POLI: variants seen among roughly 807,000 people sequenced by gnomAD.
POLI encodes the protein RAD30 homolog B.
In POLI, 58 loss-of-function variants were observed where a neutral mutation model predicts 51.6. That is an observed-to-expected ratio of 1.12 (90% CI 0.91 to 1.40). POLI has a LOEUF of 1.40. Among genes scored for constraint, POLI ranks in the 40% most tolerant of loss-of-function variants. The pLI, the probability that POLI is intolerant of heterozygous loss-of-function variation, is 0.00. For synonymous variants in POLI, 322 were observed against 299.7 expected (o/e 1.07, Z -0.77); for missense variants, 921 against 871.3 (o/e 1.06, Z -0.72).
At chr18:54,277,487 G>C (rs1209871934) in intron 3 of POLI, among the ~76,000 whole-genome samples, 1 of 152,108 alleles carries the variant, frequency 6.6e-6, no homozygotes, top group Non-Finnish European at 1.5e-5. Context: ...CCCTAGGAAT[G>C]TCATTTTTAG....
At chr18:54,289,849 A>G (rs2087921981) in intron 8 of POLI, among the ~76,000 whole-genome samples, 1 of 152,200 alleles carries the variant, frequency 6.6e-6, no homozygotes, top group African/African-American at 2.4e-5. Flanking sequence ...AAAGACTTAA[A>G]TGTTAGAACT....
intron 8 of POLI, chr18:54,291,241 A>G (rs1023090719): frequency 6.6e-6 from 1 of 152,218 alleles, no homozygotes; most frequent in Admixed American, 6.6e-5. Context: ...CTTCACCCGA[A>G]CCACGACTGA....
chr18:54,289,509 C>A (rs1219269939), intron 8 of POLI, among the ~76,000 whole-genome samples: 1 of 151,988 alleles, frequency 6.6e-6, no homozygotes, highest in Non-Finnish European at 1.5e-5. Flanking sequence ...AAAATGAGCC[C>A]CTATAGCCAA....
chr18:54,280,372 T>A (rs1047270827), intron 4 of POLI, among the ~76,000 whole-genome samples: 4 of 152,020 alleles, frequency 2.6e-5, no homozygotes, highest in Non-Finnish European at 5.9e-5. Flanking sequence ...CAGCTGTCTT[T>A]GGAACTAATA....
downstream of POLI, among the ~76,000 whole-genome samples, chr18:54,299,019 A>G (rs865984876): frequency 3.9e-5 from 6 of 152,198 alleles, no homozygotes; most frequent in South Asian, 6.2e-4. Flanking sequence ...TGAAAATATC[A>G]TGAGTGAAAT....
chr18:54,305,780 A>G (rs1392249473), intron 3 of POLI, among the ~76,000 whole-genome samples: 1 of 151,720 alleles, frequency 6.6e-6, no homozygotes, highest in Non-Finnish European at 1.5e-5. Flanking sequence ...CTTTTTTGAA[A>G]CAGAGTCTCG....
chr18:54,300,489 A>G (rs945425140), downstream of POLI, among the ~76,000 whole-genome samples: 1 of 152,112 alleles, frequency 6.6e-6, no homozygotes, highest in African/African-American at 2.4e-5. Context: ...AGTAAAGAAG[A>G]TAAGAAATAG....
At chr18:54,283,328 G>A (rs1399827516) in intron 6 of POLI, among the ~76,000 whole-genome samples, 1 of 152,126 alleles carries the variant, frequency 6.6e-6, no homozygotes, top group East Asian at 1.9e-4. Flanking sequence ...GAGTAGTCCA[G>A]TGATTTAGCA....
At chr18:54,319,234 T>C (rs1347358187) in intron 3 of POLI, among the ~76,000 whole-genome samples, 1 of 152,154 alleles carries the variant, frequency 6.6e-6, no homozygotes, top group Admixed American at 6.6e-5. Context: ...AATAAACCTC[T>C]CAACATTTAT....
chr18:54,319,785 T>C (rs2088772734), intron 3 of POLI, among the ~76,000 whole-genome samples: 1 of 152,196 alleles, frequency 6.6e-6, no homozygotes, highest in Non-Finnish European at 1.5e-5. Flanking sequence ...TATTATTTCC[T>C]TTTAATTTGT....
In POLI at chr18:54,274,033, G is replaced by T. The variant is rs142974796; in HGVS notation, c.349G>T (p.Val117Leu). 2 of 1,570,404 alleles carry T rather than the reference G, an allele frequency of 1.3e-6. No individual in the cohort carries two copies. Among genetic ancestry groups the T allele is most frequent in the Admixed American group, 3.6e-5 (2 of 55,374 alleles). The stretch of plus-strand genomic sequence containing the variant: ...TGCAAAAGAAAAGTGTCCACAGTTG[G>T]TATTAGTTAATGGAGAAGACCTGAC... ...RDAKEKCPQL[V>L]LVNGEDLTRY... is the part of the protein sequence containing the mutation. Residue 117 changes from valine to leucine, a missense_variant, in exon 3 of 10, where the codon GTA (valine) becomes TTA (leucine). Physicochemically the swap from Val to Leu is conservative, Grantham distance 32. Transcript: ENST00000579534.
intron 4 of POLI, among the ~76,000 whole-genome samples, chr18:54,279,693 G>A (rs994035143): frequency 6.6e-6 from 1 of 152,116 alleles, no homozygotes; most frequent in Non-Finnish European, 1.5e-5. Context: ...TACTTTTAGC[G>A]TTAGTCTCTT....
intron 3 of POLI, 57 bp downstream of exon 3, chr18:54,274,147 A>G: frequency 2.4e-6 from 2 of 820,464 alleles, no homozygotes; most frequent in East Asian, 3.1e-5. Flanking sequence ...ATGCCTGTTC[A>G]TTACATGAAT....
intron 3 of POLI, chr18:54,311,107 G>A: frequency 2.0e-6 from 2 of 984,702 alleles, no homozygotes; most frequent in Non-Finnish European, 2.4e-6. Flanking sequence ...ATTGAAGAAA[G>A]TGAAATCAGT....
At position 54,282,817 on chromosome 18, in the gene POLI, A is replaced by T; in HGVS notation, c.797-20A>T. ...AGGAGAAAAGCTATTTTAACATTGT[A>T]TGCATTTCTTTTTATTTAGGTATTG... On this transcript the variant is annotated intron_variant, in intron 5 of 9. Transcript: ENST00000579534. 3 of 1,356,828 alleles carry T rather than the reference A, an allele frequency of 2.2e-6. No homozygotes were observed. The highest frequency in any genetic ancestry group is 1.3e-5 in the South Asian group (1 of 74,758). 84.0% of individuals were successfully genotyped at this position (1,356,828 alleles called of 1,614,324 possible). A position where few individuals can be genotyped will look rare whatever the true frequency, so the allele number is the denominator to read the frequency against.
Position 54,280,760 on chromosome 18 carries a change from T to C in POLI, c.653T>C (p.Leu218Pro). Residue 218 changes from leucine (L) to proline (P), a missense_variant, in exon 5 of 10, where the codon CTC becomes CCC. Coordinates refer to ENST00000579534, the MANE Select transcript of POLI (RefSeq NM_007195.3). Reference protein sequence around the residue: ...MREAMYNQLGLTGCAGVASNK... With the variant: ...MREAMYNQLGPTGCAGVASNK... ...GAAGCCATGTATAATCAGTTGGGGCTCACTGGCTGTGCTGGAGTGGCTTCT... is the reference window on the plus strand; with the variant it reads ...GAAGCCATGTATAATCAGTTGGGGCCCACTGGCTGTGCTGGAGTGGCTTCT... The C allele has an allele frequency of 6.2e-7, 1 of 1,613,814 alleles. No homozygotes were observed. Among genetic ancestry groups the C allele is most frequent in the South Asian group, 1.1e-5 (1 of 91,082 alleles).
intron 4 of POLI, among the ~76,000 whole-genome samples, chr18:54,279,511 G>A (rs974812914): frequency 1.3e-5 from 2 of 152,050 alleles, no homozygotes; most frequent in Non-Finnish European, 2.9e-5. Flanking sequence ...CCAAAGTGCT[G>A]GGATTATAGG....
intron 8 of POLI, among the ~76,000 whole-genome samples, chr18:54,290,322 G>C (rs2144575469): frequency 6.6e-6 from 1 of 152,274 alleles, no homozygotes; most frequent in East Asian, 1.9e-4. Context: ...TAAAAAGTCA[G>C]GAAACAACAG....
At chr18:54,277,597 TA>T in intron 3 of POLI, 105 bp from the exon 4 acceptor site, 1 of 684,302 alleles carries the variant, frequency 1.5e-6, no homozygotes, top group African/African-American at 1.8e-5. Context: ...TGAATGTATA[TA>T]AAACCTTTAA....
Sources: gnomAD v4.1 joint callset for allele counts (sites outside exome capture counted in the v4.1 genomes callset) on GRCh38, gnomAD v4.1.1 for gene constraint, MANE v1.5 for transcripts, NCBI Gene and HGNC (gene_info 2026-07-23, HGNC 2026-07-21) for gene names.